Variants in NDUFA9 observed in about 807,000 individuals in gnomAD.
NDUFA9 encodes NADH:ubiquinone oxidoreductase subunit A9.
NDUFA9 carries 23 observed loss-of-function variants against 45.9 expected under a neutral mutation model. The observed-to-expected ratio is 0.50, with a 90% CI of 0.36 to 0.71. The LOEUF (loss-of-function observed/expected upper bound fraction) is 0.71. Ranked by LOEUF, NDUFA9 falls within the 30% of genes least tolerant of loss-of-function variation. The pLI is 0.00. For missense variants in NDUFA9, 466 were observed against 488.2 expected (o/e 0.95, Z 0.43); for synonymous variants, 176 against 170.5 (o/e 1.03, Z -0.25).
chr12:4,662,354 T>G (rs1230339301), intron 5 of NDUFA9, among the ~76,000 whole-genome samples, 179 bp from the exon 6 acceptor site: 1 of 152,210 alleles, frequency 6.6e-6, no homozygotes, highest in East Asian at 1.9e-4. Flanking sequence ...TGCAGGACAT[T>G]TTTGTGGATT....
chr12:4,690,497 G>A lies in NDUFA9; in HGVS notation c.*3389G>A, dbSNP rs1319681545. The A allele has an allele frequency of 4.6e-5, 7 of 152,174 alleles. No homozygotes were observed. The East Asian group carries it at 1.4e-3, about 29-fold the overall frequency. The allele number at this position is 152,174 out of a possible 1,614,324, so 9.4% of individuals were successfully genotyped here. The stretch of plus-strand genomic sequence containing the variant: ...ATGGGGGTGGATCATGAGGTTAGGA[G>A]TTCAAGACCAGCCTGGCCAATATGG... On this transcript the variant is annotated 3_prime_UTR_variant, in exon 11 of 11. Coordinates refer to ENST00000266544, the MANE Select transcript of NDUFA9 (RefSeq NM_005002.5).
At chr12:4,651,350 A>C (rs1251367276) in intron 1 of NDUFA9, among the ~76,000 whole-genome samples, 2 of 152,166 alleles carry the variant, frequency 1.3e-5, no homozygotes, top group Non-Finnish European at 2.9e-5. Flanking sequence ...GTAATAATTT[A>C]TATTTATTGA....
At chr12:4,674,175 A>G (rs1216451266) in intron 8 of NDUFA9, among the ~76,000 whole-genome samples, 1 of 152,224 alleles carries the variant, frequency 6.6e-6, no homozygotes, top group Non-Finnish European at 1.5e-5. Context: ...GAAGCACTAA[A>G]CATGGAAAGG....
At chr12:4,661,088 G>A (rs1945820846) in intron 5 of NDUFA9, among the ~76,000 whole-genome samples, 3 of 152,110 alleles carry the variant, frequency 2.0e-5, no homozygotes, top group African/African-American at 4.8e-5. Flanking sequence ...ATGTGGAAGA[G>A]AGAGTAAATT....
intron 4 of NDUFA9, among the ~76,000 whole-genome samples, chr12:4,658,457 C>G (rs1041926638): frequency 2.0e-5 from 3 of 152,170 alleles, no homozygotes; most frequent in African/African-American, 7.2e-5. Flanking sequence ...GTGTATTGTA[C>G]AGAGTAAACA....
chr12:4,670,643 A>C (rs1945880946), intron 8 of NDUFA9, among the ~76,000 whole-genome samples: 1 of 152,240 alleles, frequency 6.6e-6, no homozygotes, highest in South Asian at 2.1e-4. Context: ...ATGTTCCACT[A>C]TTATTATTTA....
At chr12:4,670,675 G>A (rs1945881179) in intron 8 of NDUFA9, among the ~76,000 whole-genome samples, 2 of 152,270 alleles carry the variant, frequency 1.3e-5, no homozygotes, top group Admixed American at 1.3e-4. Flanking sequence ...TTTTCAGTGT[G>A]AAAGTCTTGG....
intron 3 of NDUFA9, 35 bp downstream of exon 3, chr12:4,654,957 T>A: frequency 6.5e-7 from 1 of 1,534,514 alleles, no homozygotes; most frequent in Non-Finnish European, 9.0e-7. Context: ...AGTTGACAAA[T>A]ATAAATTACT....
At chr12:4,679,393 A>G (rs534882775) in intron 8 of NDUFA9, among the ~76,000 whole-genome samples, 15 of 152,358 alleles carry the variant, frequency 9.8e-5, no homozygotes, top group Non-Finnish European at 1.6e-4. Context: ...ATTTTAATGT[A>G]TGTAAATTAT....
intron 1 of NDUFA9, chr12:4,653,726 T>A: frequency 2.6e-6 from 1 of 383,550 alleles, no homozygotes; most frequent in Non-Finnish European, 5.0e-6. Flanking sequence ...TTTTTAATGT[T>A]CTGTACTAAT....
intron 2 of NDUFA9, 44 bp from the exon 3 acceptor site, chr12:4,654,781 C>A: frequency 7.2e-7 from 1 of 1,380,458 alleles, no homozygotes; most frequent in African/African-American, 1.4e-5. Flanking sequence ...AATATATCCA[C>A]ATTATGTTAA....
intron 8 of NDUFA9, among the ~76,000 whole-genome samples, chr12:4,671,160 A>G (rs1031878031): frequency 8.5e-5 from 13 of 152,360 alleles, no homozygotes; most frequent in South Asian, 2.1e-4. Flanking sequence ...GCATAAGACT[A>G]TAATTTTCCT....
rs1328762210 is a variant in NDUFA9 at position 4,685,349 on chromosome 12, C to G, written c.963+24C>G. ...GGGTGAGTACATGTGTGGAAAGCGTCTGCCTGGGCAGATGATGAGGCGTTA... is the reference window on the plus strand; with the variant it reads ...GGGTGAGTACATGTGTGGAAAGCGTGTGCCTGGGCAGATGATGAGGCGTTA... On this transcript the variant is annotated intron_variant, in intron 10 of 10. Coordinates refer to ENST00000266544, the MANE Select transcript of NDUFA9 (RefSeq NM_005002.5). 10 of 1,599,160 alleles carry G rather than the reference C, an allele frequency of 6.3e-6. No homozygotes were observed. In the South Asian group the frequency reaches 9.9e-5, roughly 16 times the overall value.
intron 8 of NDUFA9, among the ~76,000 whole-genome samples, chr12:4,676,403 G>A (rs1945920223): frequency 1.3e-5 from 2 of 152,194 alleles, no homozygotes; most frequent in African/African-American, 4.8e-5. Context: ...CATTGTCTCA[G>A]CCCCAAATCT....
At chr12:4,661,844 C>A (rs1945824939) in intron 5 of NDUFA9, among the ~76,000 whole-genome samples, 1 of 151,846 alleles carries the variant, frequency 6.6e-6, no homozygotes, top group South Asian at 2.1e-4. Flanking sequence ...AGAGCAATTC[C>A]AGATGTTGAT....
At position 4,657,830 on chromosome 12, in the gene NDUFA9, G is replaced by A; in HGVS notation, c.401G>A (p.Trp134Ter). 6.2e-7 allele frequency: 1 copy of A among 1,611,308 alleles called. No individual in the cohort carries two copies. The highest frequency in any genetic ancestry group is 8.5e-7 in the Non-Finnish European group (1 of 1,177,486). ...NVVINLIGRD[W>*]ETKNFDFEDV... The stretch of plus-strand genomic sequence containing the variant: ...GTCATCAATCTTATTGGACGAGACT[G>A]GGAAACCAAGTAAGTCTTTGACTCT... The change falls in exon 4 of 11, where the codon TGG becomes TAG. Residue 134 changes from tryptophan (W) to a stop codon, truncating the protein, a stop_gained. Transcript: ENST00000266544. LOFTEE classifies it high-confidence loss of function.
intron 6 of NDUFA9, among the ~76,000 whole-genome samples, chr12:4,666,200 G>C (rs766815186): frequency 3.3e-5 from 5 of 152,124 alleles, no homozygotes; most frequent in Non-Finnish European, 5.9e-5. Context: ...AGAAATGTCT[G>C]TTCATGTCCT....
chr12:4,663,151 G>A (rs1371601377), intron 6 of NDUFA9, among the ~76,000 whole-genome samples: 1 of 152,098 alleles, frequency 6.6e-6, no homozygotes, highest in East Asian at 1.9e-4. Context: ...TCTTTTCATA[G>A]CTTGATAGCT....
chr12:4,653,731 A>G (rs968746383), intron 1 of NDUFA9: 4 of 364,350 alleles, frequency 1.1e-5, no homozygotes, highest in South Asian at 2.1e-5. Context: ...AATGTTCTGT[A>G]CTAATAATCA....
Sources: gnomAD v4.1 joint callset for allele counts (sites outside exome capture counted in the v4.1 genomes callset) on GRCh38, gnomAD v4.1.1 for gene constraint, MANE v1.5 for transcripts, NCBI Gene and HGNC (gene_info 2026-07-23, HGNC 2026-07-21) for gene names.